TSC22D2: variants seen among roughly 807,000 people sequenced by gnomAD.
The protein encoded by TSC22D2 is TSC22 domain family member 2, also known as TSC22 domain family protein 2.
TSC22D2 carries 5 observed loss-of-function variants against 50.1 expected under a neutral mutation model. That is an observed-to-expected ratio of 0.10 (90% CI 0.05 to 0.21). TSC22D2 has a LOEUF of 0.21. TSC22D2 is among the 10% of genes least tolerant of loss of function. TSC22D2 has a pLI of 1.00. For synonymous variants in TSC22D2, 501 were observed against 450.1 expected (o/e 1.11, Z -1.43); for missense variants, 1,003 against 1,015.5 (o/e 0.99, Z 0.17).
At chr3:150,421,633 C>T (rs1354790014) in intron 1 of TSC22D2, among the ~76,000 whole-genome samples, 1 of 151,852 alleles carries the variant, frequency 6.6e-6, no homozygotes, top group Non-Finnish European at 1.5e-5. Flanking sequence ...GTATTAGTCT[C>T]CTAATTAATC....
rs1430827736 is a variant in TSC22D2, at chr3:150,460,197, A to G, written c.*1561A>G. On this transcript the variant is annotated 3_prime_UTR_variant, in exon 3 of 3. Coordinates refer to ENST00000688009, the MANE Select transcript of TSC22D2 (RefSeq NM_001303264.2). The stretch of plus-strand genomic sequence containing the variant: ...CAAAATACTCCTTAAAGACCTGTTA[A>G]TAATGACTTACTGATAGTTCTTAAA... The G allele has an allele frequency of 1.3e-5, 2 of 152,220 alleles. No individual in the cohort carries two copies. Among genetic ancestry groups the G allele is most frequent in the Non-Finnish European group, 2.9e-5 (2 of 68,032 alleles). The allele number at this position is 152,220 out of a possible 1,614,324, so 9.4% of individuals were successfully genotyped here. A position where few individuals can be genotyped will look rare whatever the true frequency, so the allele number is the denominator to read the frequency against.
intron 1 of TSC22D2, among the ~76,000 whole-genome samples, chr3:150,455,607 C>T (rs1453581227): frequency 1.3e-5 from 2 of 152,084 alleles, no homozygotes; most frequent in African/African-American, 4.8e-5. Flanking sequence ...AACTCAGATC[C>T]AGGGAAGTTA....
intron 1 of TSC22D2, among the ~76,000 whole-genome samples, chr3:150,426,653 T>C (rs974526315): frequency 5.9e-5 from 9 of 152,184 alleles, no homozygotes; most frequent in African/African-American, 2.2e-4. Flanking sequence ...TGCATAAATG[T>C]ACTTAAAACA....
chr3:150,441,588 C>T (rs537507012), intron 1 of TSC22D2, among the ~76,000 whole-genome samples: 21 of 152,134 alleles, frequency 1.4e-4, no homozygotes, highest in South Asian at 8.3e-4. Context: ...AGGGAGACCC[C>T]GTCTCTACAT....
intron 1 of TSC22D2, among the ~76,000 whole-genome samples, chr3:150,456,483 C>G (rs767845055): frequency 2.0e-5 from 3 of 151,948 alleles, no homozygotes; most frequent in Non-Finnish European, 4.4e-5. Context: ...CCACCACGCC[C>G]GGCTGAATGT....
At chr3:150,413,952 TAAC>T (rs78450799) in intron 1 of TSC22D2, among the ~76,000 whole-genome samples, 7,786 of 152,156 alleles carry the variant, frequency 0.051, 399 homozygotes, top group East Asian at 0.25. Flanking sequence ...AATGGGAAAT[TAAC>T]AAAAAGATTG....
intron 1 of TSC22D2, among the ~76,000 whole-genome samples, chr3:150,430,438 G>A (rs1416952628): frequency 2.0e-5 from 3 of 152,188 alleles, no homozygotes; most frequent in Non-Finnish European, 4.4e-5. Flanking sequence ...TTTTACAACT[G>A]ATTGGTCATG....
intron 1 of TSC22D2, among the ~76,000 whole-genome samples, chr3:150,453,220 GTGCTGAATATAATAATTAAAAAGA>G (rs1721093145): frequency 1.3e-5 from 2 of 152,080 alleles, no homozygotes; most frequent in Non-Finnish European, 2.9e-5. Context: ...AAAATATAAT[GTGCTGAATATAATAATTAAAAAGA>G]AAACAAGGTA....
intron 1 of TSC22D2, among the ~76,000 whole-genome samples, chr3:150,429,885 A>G (rs1458525746): frequency 6.6e-6 from 1 of 152,184 alleles, no homozygotes; most frequent in African/African-American, 2.4e-5. Flanking sequence ...AAAAGATTCT[A>G]AAGCCTTAAA....
chr3:150,421,057 T>C (rs1239110759), intron 1 of TSC22D2, among the ~76,000 whole-genome samples: 1 of 152,238 alleles, frequency 6.6e-6, no homozygotes, highest in Non-Finnish European at 1.5e-5. Flanking sequence ...CACTCCAGCC[T>C]GAGCGACAAG....
At chr3:150,455,154 T>TA (rs1459065380) in intron 1 of TSC22D2, among the ~76,000 whole-genome samples, 3 of 152,228 alleles carry the variant, frequency 2.0e-5, no homozygotes, top group Admixed American at 2.0e-4. Flanking sequence ...ATAGAAAGTA[T>TA]AATCTGGGAT....
rs1428717071 is a variant in TSC22D2 at position 150,458,844 on chromosome 3, C to T, written c.*208C>T. The T allele has an allele frequency of 3.4e-6, 2 of 580,490 alleles. No homozygotes were observed. The highest frequency in any genetic ancestry group is 5.9e-6 in the Non-Finnish European group (2 of 339,840). 36.0% of individuals were successfully genotyped at this position (580,490 alleles called of 1,614,324 possible). A position where few individuals can be genotyped will look rare whatever the true frequency, so the allele number is the denominator to read the frequency against. On this transcript the variant is annotated 3_prime_UTR_variant, in exon 3 of 3. Coordinates refer to ENST00000688009, the MANE Select transcript of TSC22D2 (RefSeq NM_001303264.2). ...GATGTCCAGTTCTATGTCATCAGTA[C>T]ACAAGGAGAATAATAGATGGGGTTT...
rs1280240149 is a variant in TSC22D2, at chr3:150,461,528, A to G, written c.*2892A>G. ...AAGTAGAAATTTTTCTGATACGGTA[A>G]TTGTCTACAATTCAAACCTAACTTT... On this transcript the variant is annotated 3_prime_UTR_variant, in exon 3 of 3. Coordinates refer to ENST00000688009, the MANE Select transcript of TSC22D2 (RefSeq NM_001303264.2). 1 of 152,164 alleles carries G rather than the reference A, an allele frequency of 6.6e-6. No individual in the cohort carries two copies. 9.4% of individuals were successfully genotyped at this position (152,164 alleles called of 1,614,324 possible).
chr3:150,419,103 A>C (rs1409151612), intron 1 of TSC22D2, among the ~76,000 whole-genome samples: 6 of 152,116 alleles, frequency 3.9e-5, no homozygotes, highest in Admixed American at 3.9e-4. Context: ...AACACAAAGC[A>C]AGCTTACTTG....
chr3:150,410,217 G>C lies in TSC22D2; in HGVS notation c.867G>C (p.Ser289=). The change falls in exon 1 of 3, where the codon TCG becomes TCC. Residue 289 remains serine, a synonymous_variant. Coordinates refer to ENST00000688009, the MANE Select transcript of TSC22D2 (RefSeq NM_001303264.2). The part of the protein sequence containing the change: ...PPVGGAVAQS[S]APLPPFPGAA... ...TAGGTGGGGCTGTGGCTCAAAGCTCGGCTCCGCTGCCGCCGTTCCCGGGAG... is the reference window on the plus strand; with the variant it reads ...TAGGTGGGGCTGTGGCTCAAAGCTCCGCTCCGCTGCCGCCGTTCCCGGGAG... 2 of 1,581,732 alleles carry C rather than the reference G, an allele frequency of 1.3e-6. No homozygotes were observed. Among genetic ancestry groups the C allele is most frequent in the East Asian group, 2.3e-5 (1 of 43,090 alleles).
intron 1 of TSC22D2, among the ~76,000 whole-genome samples, chr3:150,431,873 TAA>T (rs1397199929): frequency 2.0e-5 from 3 of 152,228 alleles, no homozygotes; most frequent in Middle Eastern, 3.2e-3. Context: ...ATGTATGTAT[TAA>T]ATTGGGCTTT....
At chr3:150,440,087 G>A (rs1720669096) in intron 1 of TSC22D2, among the ~76,000 whole-genome samples, 1 of 152,186 alleles carries the variant, frequency 6.6e-6, no homozygotes, top group African/African-American at 2.4e-5. Context: ...AGTTTACAGA[G>A]AAGAAAATTG....
chr3:150,461,002 C>T lies in TSC22D2; in HGVS notation c.*2366C>T, dbSNP rs928589318. 2.6e-5 allele frequency: 4 copies of T among 152,152 alleles called. No individual in the cohort carries two copies. The highest frequency in any genetic ancestry group is 5.9e-5 in the Non-Finnish European group (4 of 68,020). 9.4% of individuals were successfully genotyped at this position (152,152 alleles called of 1,614,324 possible). ...ATGGCAGTTTCTAAAGGTTCAACCT[C>T]TAGTAACCTAAGAAATGCAAATTAA... On this transcript the variant is annotated 3_prime_UTR_variant, in exon 3 of 3. Coordinates refer to ENST00000688009, the MANE Select transcript of TSC22D2 (RefSeq NM_001303264.2).
Position 150,410,000 on chromosome 3 carries a change from G to T in TSC22D2, c.650G>T (p.Gly217Val), listed in dbSNP as rs774106105. Residue 217 changes from glycine to valine, a missense_variant, in exon 1 of 3, where the codon GGC becomes GTC. Physicochemically the swap from Gly to Val is moderately radical, Grantham distance 109. Coordinates refer to ENST00000688009, the MANE Select transcript of TSC22D2 (RefSeq NM_001303264.2). This position sits in a 1 kb window ranked among gnomAD's most constrained non-coding sequence, Gnocchi z 7.4. ...GACCAGACTGCGGAGCGGGACAGCG[G>T]CCTGGGCGCCACCGGAGGGTCGGTG... ...TFDQTAERDS[G>V]LGATGGSVVV... is the part of the protein sequence containing the mutation. The T allele has an allele frequency of 6.2e-7, 1 of 1,613,680 alleles. No individual in the cohort carries two copies. The highest frequency in any genetic ancestry group is 1.1e-5 in the South Asian group (1 of 91,084).
Sources: gnomAD v4.1 joint callset for allele counts (sites outside exome capture counted in the v4.1 genomes callset) on GRCh38, gnomAD v4.1.1 for gene constraint, Gnocchi (gnomAD v3.1) non-coding constraint, MANE v1.5 for transcripts, NCBI Gene and HGNC (gene_info 2026-07-23, HGNC 2026-07-21) for gene names.